UBQLN1: variants seen among roughly 807,000 people sequenced by gnomAD.
UBQLN1 encodes ubiquilin 1.
A neutral mutation model predicts 65.4 loss-of-function variants in UBQLN1; 13 were observed. That is an observed-to-expected ratio of 0.20 (90% CI 0.13 to 0.32). UBQLN1 has a LOEUF of 0.32. UBQLN1 is among the 10% of genes least tolerant of loss of function. UBQLN1 has a pLI of 1.00. For synonymous variants in UBQLN1, 267 were observed against 247.8 expected (o/e 1.08, Z -0.73); for missense variants, 561 against 724.0 (o/e 0.77, Z 2.58).
chr9:83,692,958 T>A (rs1832152684), intron 1 of UBQLN1, among the ~76,000 whole-genome samples: 1 of 152,194 alleles, frequency 6.6e-6, no homozygotes, highest in South Asian at 2.1e-4. Flanking sequence ...TTACCTAGAT[T>A]AACTTATTTT....
chr9:83,668,013 T>A, intron 7 of UBQLN1: 2 of 985,412 alleles, frequency 2.0e-6, no homozygotes, highest in Non-Finnish European at 2.4e-6. Context: ...AGTCAAATTT[T>A]AAAAGCAAGA....
intron 7 of UBQLN1, chr9:83,666,635 C>G: frequency 2.1e-6 from 1 of 479,366 alleles, no homozygotes; most frequent in East Asian, 3.1e-5. Context: ...GAGGCATATT[C>G]TCTCTCAATG....
At chr9:83,679,734 T>C (rs747317393) in intron 4 of UBQLN1, 41 bp downstream of exon 4, 11 of 1,592,784 alleles carry the variant, frequency 6.9e-6, no homozygotes, top group Non-Finnish European at 9.4e-6. Flanking sequence ...AACAAATATA[T>C]CATTTTTTAG....
rs185705896 is a variant in UBQLN1 at position 83,699,346 on chromosome 9, T to C, written c.180+8154A>G. On this transcript the variant is annotated intron_variant, in intron 1 of 10. Transcript: ENST00000376395. Reference sequence around the variant, plus strand: ...AAAATTACATATGTGGCTCATACTGTTTTTTGTTTTTAAGAGACCAAGTCT... The same window carrying C: ...AAAATTACATATGTGGCTCATACTGCTTTTTGTTTTTAAGAGACCAAGTCT... 3.5e-3 allele frequency among the ~76,000 whole-genome samples: 530 copies of C among 152,298 alleles called. 4 individuals carry two copies. The highest frequency in any genetic ancestry group is 9.4e-3 in the Admixed American group (144 of 15,300).
chr9:83,704,919 A>G (rs1832373334), intron 1 of UBQLN1, among the ~76,000 whole-genome samples: 1 of 152,188 alleles, frequency 6.6e-6, no homozygotes, highest in Non-Finnish European at 1.5e-5. Flanking sequence ...CAAAAAGCAA[A>G]AACATCCTCA....
chr9:83,664,281 T>C (rs1831607886), intron 9 of UBQLN1, among the ~76,000 whole-genome samples: 1 of 152,136 alleles, frequency 6.6e-6, no homozygotes, highest in Non-Finnish European at 1.5e-5. Context: ...TAGCTGGGTG[T>C]GCTGGTGCAC....
intron 6 of UBQLN1, among the ~76,000 whole-genome samples, chr9:83,669,686 A>G (rs775606709): frequency 6.6e-6 from 1 of 152,204 alleles, no homozygotes; most frequent in East Asian, 1.9e-4. Context: ...CCAAGACTGC[A>G]AAGAATTAAT....
intron 6 of UBQLN1, among the ~76,000 whole-genome samples, chr9:83,675,261 C>T (rs893555597): frequency 1.3e-5 from 2 of 152,148 alleles, no homozygotes; most frequent in Non-Finnish European, 2.9e-5. Context: ...ATGAGAACCA[C>T]TACCCTGCCA....
chr9:83,696,911 T>A (rs1444314445), intron 1 of UBQLN1, among the ~76,000 whole-genome samples: 1 of 152,098 alleles, frequency 6.6e-6, no homozygotes, highest in Non-Finnish European at 1.5e-5. Context: ...GACTGATGAG[T>A]CCAATTACCC....
chr9:83,681,893 T>C (rs776533779), intron 3 of UBQLN1, among the ~76,000 whole-genome samples: 1 of 152,162 alleles, frequency 6.6e-6, no homozygotes, highest in Non-Finnish European at 1.5e-5. Context: ...GAATGAAAAA[T>C]GACTTTCATT....
intron 6 of UBQLN1, among the ~76,000 whole-genome samples, chr9:83,677,333 C>T (rs560570864): frequency 2.2e-4 from 33 of 152,326 alleles, no homozygotes; most frequent in South Asian, 6.2e-4. Flanking sequence ...GAGGCCAAGG[C>T]AGGCGGATCA....
rs1045917766 is a variant in UBQLN1 at position 83,678,718 on chromosome 9, G to T, written c.712-119C>A. Reference sequence around the variant, plus strand: ...TTATGGGAGGCCACTGTTTTGTTTTGTTTTTTTAATTTTTTTGAGACGGAG... The same window carrying T: ...TTATGGGAGGCCACTGTTTTGTTTTTTTTTTTTAATTTTTTTGAGACGGAG... On this transcript the variant is annotated intron_variant, in intron 4 of 10. Coordinates refer to ENST00000376395, the MANE Select transcript of UBQLN1 (RefSeq NM_013438.5). The T allele has an allele frequency of 5.2e-6, 6 of 1,158,896 alleles. No homozygotes were observed. The South Asian group carries it at 8.1e-5, about 16-fold the overall frequency. The allele number at this position is 1,158,896 out of a possible 1,614,324, so 71.8% of individuals were successfully genotyped here.
chr9:83,699,824 G>C (rs1418714353), intron 1 of UBQLN1, among the ~76,000 whole-genome samples: 1 of 152,206 alleles, frequency 6.6e-6, no homozygotes, highest in Non-Finnish European at 1.5e-5. Flanking sequence ...AGGAGCTATA[G>C]ATAACACATA....
chr9:83,664,525 G>T (rs907041418), intron 9 of UBQLN1, among the ~76,000 whole-genome samples: 1 of 152,128 alleles, frequency 6.6e-6, no homozygotes, highest in African/African-American at 2.4e-5. Flanking sequence ...GCTGAGGTGG[G>T]AGGATCACCT....
chr9:83,664,019 T>C lies in UBQLN1; in HGVS notation c.1473A>G (p.Leu491=). The C allele has an allele frequency of 6.2e-7, 1 of 1,614,004 alleles. No individual in the cohort carries two copies. Among genetic ancestry groups the C allele is most frequent in the Non-Finnish European group, 8.5e-7 (1 of 1,179,930 alleles). The stretch of plus-strand genomic sequence containing the variant: ...TTCCCGAAGAGCCTCCAGTGCTTCC[T>C]AATGCCCCCAAGCCAGGAGTAAACC... ...IPGFTPGLGA[L]GSTGGSSGTN... Residue 491 remains leucine, a synonymous_variant, in exon 10 of 11, where the codon TTA becomes TTG. Transcript: ENST00000376395.
chr9:83,692,180 C>T (rs1460368151), intron 1 of UBQLN1, among the ~76,000 whole-genome samples: 1 of 152,114 alleles, frequency 6.6e-6, no homozygotes, highest in Non-Finnish European at 1.5e-5. Flanking sequence ...TACACTTTTC[C>T]GAATAAACCA....
intron 1 of UBQLN1, among the ~76,000 whole-genome samples, chr9:83,698,670 T>A (rs1384431547): frequency 6.6e-6 from 1 of 152,128 alleles, no homozygotes; most frequent in Non-Finnish European, 1.5e-5. Context: ...ATCCTAGCAT[T>A]TTGGGAGACC....
intron 1 of UBQLN1, among the ~76,000 whole-genome samples, chr9:83,704,107 A>G (rs1822068934): frequency 6.6e-6 from 1 of 152,214 alleles, no homozygotes. Context: ...TCTTCGGCTT[A>G]CCCTCTGACC....
chr9:83,683,420 A>C (rs1831982884), intron 2 of UBQLN1, among the ~76,000 whole-genome samples: 1 of 150,604 alleles, frequency 6.6e-6, no homozygotes, highest in Non-Finnish European at 1.5e-5. Flanking sequence ...GTCTCAAAAA[A>C]AAAAAAAAAA....
Sources: allele counts gnomAD v4.1 joint callset (sites outside exome capture counted in the v4.1 genomes callset), GRCh38; gene constraint gnomAD v4.1.1; transcripts MANE v1.5; gene names NCBI Gene and HGNC (gene_info 2026-07-23, HGNC 2026-07-21).